The following AKR1C3 variants were observed in gnomAD, a reference collection of about 807,000 sequenced individuals.
The protein encoded by AKR1C3 is aldo-keto reductase family 1 member C3.
A neutral mutation model predicts 43.6 loss-of-function variants in AKR1C3; 48 were observed. That is an observed-to-expected ratio of 1.10 (90% CI 0.87 to 1.40). The LOEUF is 1.40. AKR1C3 is among the 40% of genes most tolerant of loss of function. The pLI, the probability that AKR1C3 is intolerant of heterozygous loss-of-function variation, is 0.00. For missense variants in AKR1C3, 482 were observed against 391.2 expected (o/e 1.23, Z -1.96); for synonymous variants, 162 against 139.6 (o/e 1.16, Z -1.13).
chr10:5,067,176 T>TAAC (rs111322220), intron 1 of AKR1C3, among the ~76,000 whole-genome samples: 6,017 of 152,260 alleles, frequency 0.04, 403 homozygotes, highest in African/African-American at 0.14. Context: ...GCAAATTCCT[T>TAAC]AAACAAAAGT....
intron 1 of AKR1C3, among the ~76,000 whole-genome samples, chr10:5,073,002 C>T (rs1252990373): frequency 6.6e-6 from 1 of 152,128 alleles, no homozygotes; most frequent in Admixed American, 6.5e-5. Flanking sequence ...CTTGCTCTTT[C>T]TCCCAGGTTA....
Position 5,054,886 on chromosome 10 carries a change from G to T in AKR1C3, c.84+5991G>T, listed in dbSNP as rs117513318. 1.0e-3 allele frequency among the ~76,000 whole-genome samples: 158 copies of T among 152,272 alleles called. 4 individuals carry two copies. In the East Asian group the frequency reaches 0.029, roughly 28 times the overall value. ...CTCTTCTTCCCATTTTGATGGATTT[G>T]ACAGTGTAAGACTCCCACCTCCTTG... On this transcript the variant is annotated intron_variant, in intron 1 of 8. Transcript: ENST00000439082.
chr10:5,079,023 T>C (rs1838775515), intron 1 of AKR1C3, among the ~76,000 whole-genome samples: 1 of 152,226 alleles, frequency 6.6e-6, no homozygotes, highest in Non-Finnish European at 1.5e-5. Context: ...TTACCATGAC[T>C]AGAGGACTTG....
chr10:5,101,986 T>A (rs1839362732), intron 5 of AKR1C3, 115 bp from the exon 6 acceptor site: 1 of 654,062 alleles, frequency 1.5e-6, no homozygotes, highest in South Asian at 2.1e-5. Flanking sequence ...AATAATATCC[T>A]CAGCTCAAAT....
intron 1 of AKR1C3, among the ~76,000 whole-genome samples, chr10:5,065,580 C>T (rs182104660): frequency 8.4e-4 from 128 of 152,206 alleles, no homozygotes; most frequent in African/African-American, 2.7e-3. Context: ...GATATTTATT[C>T]GAAATGAAAG....
intron 1 of AKR1C3, among the ~76,000 whole-genome samples, chr10:5,056,288 G>T (rs1838260730): frequency 6.6e-6 from 1 of 152,164 alleles, no homozygotes; most frequent in African/African-American, 2.4e-5. Context: ...CTGGGAGTCA[G>T]AGTGCAGGGG....
At chr10:5,087,137 T>C (rs1454353192) in intron 1 of AKR1C3, among the ~76,000 whole-genome samples, 3 of 152,336 alleles carry the variant, frequency 2.0e-5, no homozygotes, top group East Asian at 1.9e-4. Flanking sequence ...TTTTGCTCGA[T>C]AGTTGATGCA....
At chr10:5,053,892 G>A (rs1554779261) in intron 1 of AKR1C3, among the ~76,000 whole-genome samples, 1 of 152,200 alleles carries the variant, frequency 6.6e-6, no homozygotes, top group African/African-American at 2.4e-5. Context: ...TCTGTAGCTT[G>A]ATGGCCTTGA....
chr10:5,064,427 A>C (rs759567632), intron 1 of AKR1C3, among the ~76,000 whole-genome samples: 6 of 152,110 alleles, frequency 3.9e-5, no homozygotes, highest in African/African-American at 4.8e-5. Flanking sequence ...ACTATGAAAA[A>C]CCCTTGAAGA....
rs1554785109 is a variant in AKR1C3, at chr10:5,096,370, C to T, written c.85-40C>T. 6 of 1,596,832 alleles carry T rather than the reference C, an allele frequency of 3.8e-6. No individual in the cohort carries two copies. The South Asian group carries it at 6.8e-5, about 18-fold the overall frequency. ...GCTTGTGCCTGAACTACCTCTCAGC[C>T]ACAGTGATCACCAGATACTACCTTT... On this transcript the variant is annotated intron_variant, in intron 1 of 8. Coordinates refer to ENST00000380554, the MANE Select transcript of AKR1C3 (RefSeq NM_003739.6).
chr10:5,087,798 C>T (rs955411050), intron 1 of AKR1C3, among the ~76,000 whole-genome samples: 1 of 151,436 alleles, frequency 6.6e-6, no homozygotes. Flanking sequence ...TCCTTTATAC[C>T]TATTTTTTTT....
intron 1 of AKR1C3, among the ~76,000 whole-genome samples, chr10:5,089,386 G>A (rs72774005): frequency 0.014 from 2,068 of 152,038 alleles, 20 homozygotes; most frequent in Non-Finnish European, 0.02. Flanking sequence ...CTTATTAGTT[G>A]TAGATTTGAT....
At position 5,087,404 on chromosome 10, in the gene AKR1C3, G is replaced by T. The variant is rs544705940; in HGVS notation, c.85-9006G>T. On this transcript the variant is annotated intron_variant, in intron 1 of 8. Transcript: ENST00000439082. The stretch of plus-strand genomic sequence containing the variant: ...TCTTTTTTTTTTTTTTTTGAGGCTC[G>T]CTCTGTTGCCCAGGCTGGAGGGCAG... 4.1e-4 allele frequency among the ~76,000 whole-genome samples: 55 copies of T among 133,228 alleles called. No individual in the cohort carries two copies. The South Asian group carries it at 0.013, about 30-fold the overall frequency. The allele number at this position is 133,228 out of a possible 152,430, so 87.4% of individuals were successfully genotyped here.
At chr10:5,062,120 C>CT (rs1838395053) in intron 1 of AKR1C3, among the ~76,000 whole-genome samples, 1 of 152,160 alleles carries the variant, frequency 6.6e-6, no homozygotes, top group African/African-American at 2.4e-5. Flanking sequence ...TCAGAATACT[C>CT]TTTTGAGAAC....
chr10:5,106,447 T>C (rs1336293395), intron 8 of AKR1C3, among the ~76,000 whole-genome samples: 2 of 152,100 alleles, frequency 1.3e-5, no homozygotes, highest in African/African-American at 4.8e-5. Context: ...TTCATGTAAA[T>C]GCAGGAAAAG....
intron 1 of AKR1C3, among the ~76,000 whole-genome samples, chr10:5,072,903 C>T (rs1426128057): frequency 6.6e-6 from 1 of 152,124 alleles, no homozygotes; most frequent in Non-Finnish European, 1.5e-5. Flanking sequence ...TTTGTAATCT[C>T]TTTAGCATGT....
At chr10:5,105,310 CCTATCATGTGGGCACAATGTCA>C in intron 7 of AKR1C3, 3 of 231,966 alleles carry the variant, frequency 1.3e-5, no homozygotes, top group African/African-American at 2.3e-5. Context: ...ACAATGTGAC[CCTATCATGTGGGCACAATGTCA>C]GCGCTGTTTC....
intron 7 of AKR1C3, among the ~76,000 whole-genome samples, chr10:5,103,745 C>CTGGCAAATATTACCCACATTA (rs1335201236): frequency 6.6e-6 from 1 of 152,180 alleles, no homozygotes; most frequent in African/African-American, 2.4e-5. Flanking sequence ...GCCATTGCTT[C>CTGGCAAATATTACCCACATTA]TGGCAAATAT....
intron 1 of AKR1C3, among the ~76,000 whole-genome samples, chr10:5,051,083 G>GT (rs112258370): frequency 0.039 from 6,004 of 152,216 alleles, 404 homozygotes; most frequent in African/African-American, 0.14. Context: ...TTGACTGTGT[G>GT]TGTGTTTTGT....
Sources: gnomAD v4.1 joint callset for allele counts (sites outside exome capture counted in the v4.1 genomes callset) on GRCh38, gnomAD v4.1.1 for gene constraint, MANE v1.5 for transcripts, NCBI Gene and HGNC (gene_info 2026-07-23, HGNC 2026-07-21) for gene names.